Variants in EIF4G3 observed in about 807,000 individuals in gnomAD.
EIF4G3 encodes eIF-4-gamma 3.
In EIF4G3, 34 loss-of-function variants were observed where a neutral mutation model predicts 186.4. The ratio of observed to expected loss-of-function variants is 0.18; its 90% confidence interval spans 0.14 to 0.24. EIF4G3 has a LOEUF of 0.24. Among genes scored for constraint, EIF4G3 ranks in the 10% least tolerant of loss-of-function variants. The pLI is 1.00. For missense variants in EIF4G3, 1,536 were observed against 1,948.5 expected (o/e 0.79, Z 3.99); for synonymous variants, 673 against 679.5 (o/e 0.99, Z 0.15).
chr1:21,165,366 T>C (rs989542895), intron 2 of EIF4G3, among the ~76,000 whole-genome samples: 1 of 152,264 alleles, frequency 6.6e-6, no homozygotes, highest in Non-Finnish European at 1.5e-5. Context: ...ATAACATCTA[T>C]ATAAAAACAT....
chr1:21,072,042 C>T (rs770076144), intron 3 of EIF4G3, among the ~76,000 whole-genome samples: 12 of 152,164 alleles, frequency 7.9e-5, no homozygotes, highest in Admixed American at 3.9e-4. Context: ...AATATGGCAA[C>T]GGTTAAGTCA....
intron 2 of EIF4G3, among the ~76,000 whole-genome samples, chr1:21,127,756 A>G (rs1173350166): frequency 1.3e-5 from 2 of 152,236 alleles, no homozygotes; most frequent in Non-Finnish European, 2.9e-5. Flanking sequence ...AATATGAGAA[A>G]AGTACAGACA....
chr1:20,971,642 T>G (rs2075904400), intron 11 of EIF4G3, among the ~76,000 whole-genome samples: 1 of 152,196 alleles, frequency 6.6e-6, no homozygotes, highest in South Asian at 2.1e-4. Context: ...ACTATTATTT[T>G]CTTGTTTGTT....
chr1:20,977,655 T>C (rs1049354306), intron 10 of EIF4G3, among the ~76,000 whole-genome samples: 11 of 152,164 alleles, frequency 7.2e-5, no homozygotes, highest in African/African-American at 2.4e-4. Flanking sequence ...GAAGAAAGCA[T>C]ATCTATGAAA....
intron 16 of EIF4G3, among the ~76,000 whole-genome samples, chr1:20,895,880 A>G (rs1178794852): frequency 6.6e-6 from 1 of 152,144 alleles, no homozygotes; most frequent in African/African-American, 2.4e-5. Context: ...TATTCCTTCT[A>G]TTTATTAAAA....
chr1:20,871,973 G>A (rs772985251), intron 20 of EIF4G3, among the ~76,000 whole-genome samples: 3 of 151,956 alleles, frequency 2.0e-5, no homozygotes, highest in East Asian at 1.9e-4. Context: ...ATAGGCATGC[G>A]CCACCATGCC....
chr1:20,987,129 C>A lies in EIF4G3; in HGVS notation c.178-4721G>T, dbSNP rs187642585. 4.8e-3 allele frequency among the ~76,000 whole-genome samples: 738 copies of A among 152,308 alleles called. 6 individuals are homozygous for A. The highest frequency in any genetic ancestry group is 0.017 in the African/African-American group (703 of 41,568). ...CTTCTAAAGATGCAATAATTCATATCATTACCCAAAGCTTCCTCATCAAAA... is the reference window on the plus strand; with the variant it reads ...CTTCTAAAGATGCAATAATTCATATAATTACCCAAAGCTTCCTCATCAAAA... On this transcript the variant is annotated intron_variant, in intron 7 of 36. Coordinates refer to ENST00000602326, the MANE Select transcript of EIF4G3 (RefSeq NM_001391906.1).
intron 12 of EIF4G3, among the ~76,000 whole-genome samples, chr1:20,963,750 T>A (rs929249696): frequency 6.6e-6 from 1 of 152,034 alleles, no homozygotes; most frequent in Non-Finnish European, 1.5e-5. Flanking sequence ...GGTCAGGTGT[T>A]CGAGACCAGC....
chr1:20,902,728 C>T (rs1386158786), intron 15 of EIF4G3, among the ~76,000 whole-genome samples: 2 of 152,150 alleles, frequency 1.3e-5, no homozygotes, highest in Non-Finnish European at 1.5e-5. Flanking sequence ...GCAACCTCCG[C>T]CTTCTGGGTT....
rs34197724 is a variant in EIF4G3, at chr1:21,176,231, T to TGCCGCCGCCGCCGCCGCCGCCGCCGCC, written c.-355_-329dup. 1 of 336,926 alleles carries TGCCGCCGCCGCCGCCGCCGCCGCCGCC rather than the reference T, an allele frequency of 3.0e-6. No homozygotes were observed. Among genetic ancestry groups the TGCCGCCGCCGCCGCCGCCGCCGCCGCC allele is most frequent in the Non-Finnish European group, 5.2e-6 (1 of 191,796 alleles). The allele number at this position is 336,926 out of a possible 1,614,324, so 20.9% of individuals were successfully genotyped here. A position where few individuals can be genotyped will look rare whatever the true frequency, so the allele number is the denominator to read the frequency against. On this transcript the variant is annotated 5_prime_UTR_variant, in exon 2 of 37. Transcript: ENST00000602326. ...TGTTCGGGTGAGGAGGGGGGACCGC[T>TGCCGCCGCCGCCGCCGCCGCCGCCGCC]GCCGCCGCCGCCGCCGCCGCCGCCG...
At chr1:20,964,972 G>T (rs181230628) in intron 12 of EIF4G3, among the ~76,000 whole-genome samples, 3 of 152,328 alleles carry the variant, frequency 2.0e-5, no homozygotes, top group Admixed American at 2.0e-4. Flanking sequence ...CACCTGCTGG[G>T]TGAGTTCCCT....
intron 16 of EIF4G3, among the ~76,000 whole-genome samples, chr1:20,896,238 G>T (rs1558124965): frequency 6.6e-6 from 1 of 151,974 alleles, no homozygotes; most frequent in Non-Finnish European, 1.5e-5. Context: ...TTTGAGACCA[G>T]CCTGGGCGAT....
intron 3 of EIF4G3, among the ~76,000 whole-genome samples, chr1:21,067,970 TTGTA>T (rs1173947674): frequency 6.6e-6 from 1 of 152,078 alleles, no homozygotes; most frequent in East Asian, 1.9e-4. Context: ...ACCCCTATGT[TTGTA>T]TGTTTACTGT....
intron 36 of EIF4G3, among the ~76,000 whole-genome samples, chr1:20,808,179 C>G (rs1013119799): frequency 6.6e-6 from 1 of 151,980 alleles, no homozygotes; most frequent in Admixed American, 6.6e-5. Flanking sequence ...CCACCGTGCC[C>G]GGCCCAATCT....
At chr1:20,996,680 C>T (rs994235256) in intron 7 of EIF4G3, among the ~76,000 whole-genome samples, 2 of 152,210 alleles carry the variant, frequency 1.3e-5, no homozygotes, top group Non-Finnish European at 2.9e-5. Flanking sequence ...AAGACAGTTA[C>T]CACTTACTGA....
intron 30 of EIF4G3, among the ~76,000 whole-genome samples, chr1:20,838,402 A>G (rs1450449925): frequency 6.6e-6 from 1 of 152,194 alleles, no homozygotes; most frequent in East Asian, 1.9e-4. Flanking sequence ...CTATTTATAA[A>G]TGGATATCCT....
At position 20,878,135 on chromosome 1, in the gene EIF4G3, G is replaced by A. The variant is rs146552970; in HGVS notation, c.2622+1188C>T. Among the ~76,000 whole-genome samples, 51 of 152,254 alleles carry A rather than the reference G, an allele frequency of 3.3e-4. No homozygotes were observed. The East Asian group carries it at 7.7e-3, about 23-fold the overall frequency. On this transcript the variant is annotated intron_variant, in intron 20 of 36. Transcript: ENST00000602326. ...GCCCACCTCAGCCTCCCAAAGTGCT[G>A]AGATTACAGGCATAAGCCACCTTGC...
intron 29 of EIF4G3, among the ~76,000 whole-genome samples, chr1:20,844,368 G>A (rs1301676018): frequency 6.6e-6 from 1 of 152,080 alleles, no homozygotes; most frequent in Non-Finnish European, 1.5e-5. Context: ...GTATCTCATT[G>A]TGGTTTTGAT....
rs192978038 is a variant in EIF4G3 at position 21,080,012 on chromosome 1, G to A, written c.-196+9126C>T. On this transcript the variant is annotated intron_variant, in intron 3 of 36. Transcript: ENST00000602326. ...CCAAAAATATAAAAACTAGCCAGGC[G>A]TGGTGGTGGGTGCCTGTAATCCCAG... is the stretch of plus-strand genomic sequence containing the variant. Among the ~76,000 whole-genome samples the A allele has an allele frequency of 7.2e-3, 1,096 of 151,882 alleles. 5 individuals carry two copies. The highest frequency in any genetic ancestry group is 0.013 in the Non-Finnish European group (851 of 67,924).
Sources: allele counts gnomAD v4.1 joint callset (sites outside exome capture counted in the v4.1 genomes callset), GRCh38; gene constraint gnomAD v4.1.1; transcripts MANE v1.5; gene names NCBI Gene and HGNC (gene_info 2026-07-23, HGNC 2026-07-21).